The following LYG1 variants were observed in gnomAD, a reference collection of about 807,000 sequenced individuals.
LYG1 encodes lysozyme g-like protein 1.
A neutral mutation model predicts 21.7 loss-of-function variants in LYG1; 17 were observed. The ratio of observed to expected loss-of-function variants is 0.78; its 90% CI spans 0.54 to 1.18. The LOEUF is 1.18. Ranked by LOEUF, LYG1 falls within the 50% of genes most tolerant of loss-of-function variation. The probability of loss-of-function intolerance (pLI) is 0.00; values close to 1 mark genes in which losing one functional copy is unlikely to be tolerated. For missense variants in LYG1, 211 were observed against 238.1 expected (o/e 0.89, Z 0.75); for synonymous variants, 81 against 87.4 (o/e 0.93, Z 0.41).
upstream of LYG1, among the ~76,000 whole-genome samples, chr2:99,303,146 G>T (rs994809593): frequency 2.0e-5 from 3 of 152,022 alleles, no homozygotes; most frequent in African/African-American, 4.8e-5. Context: ...ACTCTGGGAG[G>T]GGAGTGTGAG....
intron 3 of LYG1, among the ~76,000 whole-genome samples, chr2:99,294,826 C>A (rs959406871): frequency 1.2e-4 from 19 of 152,228 alleles, no homozygotes; most frequent in African/African-American, 3.9e-4. Flanking sequence ...TATTAAAAAA[C>A]AAGTAGGCTG....
Position 99,284,775 on chromosome 2 carries a change from C to T in LYG1, c.379G>A (p.Val127Ile). 1.9e-6 allele frequency: 3 copies of T among 1,613,690 alleles called. No individual in the cohort carries two copies. The South Asian group carries it at 3.3e-5, about 18-fold the overall frequency. ...GTCAGAACTTCAGTTGTCTGGGAAA[C>T]CTGAGACTCACTAATCCAGGATGTG... ...APTSWISESQ[V>I]SQTTEVLTTR... Residue 127 changes from valine (V) to isoleucine (I), a missense_variant, in exon 6 of 7, where the codon GTT (valine) becomes ATT (isoleucine). Coordinates refer to ENST00000308528, the MANE Select transcript of LYG1 (RefSeq NM_174898.3).
At chr2:99,294,081 C>T (rs929800916) in intron 3 of LYG1, among the ~76,000 whole-genome samples, 10 of 151,900 alleles carry the variant, frequency 6.6e-5, no homozygotes, top group African/African-American at 2.4e-4. Flanking sequence ...GCCAACACAC[C>T]TGTGTAATTT....
chr2:99,288,840 G>A (rs1272897694), intron 5 of LYG1, among the ~76,000 whole-genome samples: 3 of 152,130 alleles, frequency 2.0e-5, no homozygotes, highest in Non-Finnish European at 4.4e-5. Context: ...AAAGTGCTGG[G>A]ATTTTAAAGA....
At chr2:99,296,408 A>C (rs2094136574) in intron 2 of LYG1, among the ~76,000 whole-genome samples, 1 of 152,184 alleles carries the variant, frequency 6.6e-6, no homozygotes, top group Non-Finnish European at 1.5e-5. Context: ...TGAGGTGCTC[A>C]CAAGACTGGA....
chr2:99,287,080 A>G (rs1286889449), intron 5 of LYG1, among the ~76,000 whole-genome samples: 2 of 152,340 alleles, frequency 1.3e-5, no homozygotes. Flanking sequence ...GAAGCAAAGA[A>G]TAGAATGATG....
At chr2:99,303,128 GAACTTT>G (rs1458008941), upstream of LYG1, among the ~76,000 whole-genome samples, 2 of 151,878 alleles carry the variant, frequency 1.3e-5, no homozygotes, top group African/African-American at 2.4e-5. Flanking sequence ...GGGAGTTCCT[GAACTTT>G]AACTCTGGGA....
intron 4 of LYG1, among the ~76,000 whole-genome samples, chr2:99,291,809 CA>C (rs1415321252): frequency 6.6e-6 from 1 of 152,208 alleles, no homozygotes; most frequent in Non-Finnish European, 1.5e-5. Flanking sequence ...GCAAACCCTT[CA>C]ATAAGTCTTT....
chr2:99,301,205 C>T (rs1435973886), upstream of LYG1: 12 of 151,956 alleles, frequency 7.9e-5, no homozygotes, highest in East Asian at 1.9e-4. Flanking sequence ...TATAAATACT[C>T]CGAACTTATA....
chr2:99,302,957 C>A (rs1407244917), upstream of LYG1, among the ~76,000 whole-genome samples: 1 of 150,492 alleles, frequency 6.6e-6, no homozygotes, highest in Non-Finnish European at 1.5e-5. Flanking sequence ...GGAGAGGTTG[C>A]AGTAAGCCAA....
intron 3 of LYG1, among the ~76,000 whole-genome samples, chr2:99,294,819 T>A (rs1034104731): frequency 1.2e-4 from 19 of 152,214 alleles, no homozygotes; most frequent in African/African-American, 3.9e-4. Context: ...TTTTATTTAT[T>A]AAAAAACAAG....
At chr2:99,304,469 A>G (rs2094161656), upstream of LYG1, among the ~76,000 whole-genome samples, 1 of 152,244 alleles carries the variant, frequency 6.6e-6, no homozygotes, top group Non-Finnish European at 1.5e-5. Context: ...CTTTATCAGC[A>G]GCATGAAAGT....
chr2:99,293,584 T>C (rs1364792511), intron 3 of LYG1, among the ~76,000 whole-genome samples: 1 of 152,218 alleles, frequency 6.6e-6, no homozygotes. Context: ...TTCTTCCCTT[T>C]ATCTCTTTCT....
intron 3 of LYG1, 24 bp downstream of exon 3, chr2:99,295,604 T>C: frequency 6.2e-7 from 1 of 1,613,982 alleles, no homozygotes; most frequent in Non-Finnish European, 8.5e-7. Flanking sequence ...TCCAAAGTCA[T>C]TTGTAAAAAT....
chr2:99,295,284 G>A (rs554627858), intron 3 of LYG1, among the ~76,000 whole-genome samples: 3 of 152,218 alleles, frequency 2.0e-5, no homozygotes, highest in African/African-American at 7.2e-5. Flanking sequence ...GTCTTATTCT[G>A]GCAACCACCT....
At chr2:99,293,251 C>G (rs969688943) in intron 3 of LYG1, among the ~76,000 whole-genome samples, 1 of 152,208 alleles carries the variant, frequency 6.6e-6, no homozygotes, top group African/African-American at 2.4e-5. Context: ...CTCGGCCTCC[C>G]AAAGTGCTGG....
At chr2:99,289,002 T>G (rs1421410548) in intron 5 of LYG1, among the ~76,000 whole-genome samples, 1 of 152,180 alleles carries the variant, frequency 6.6e-6, no homozygotes, top group East Asian at 1.9e-4. Flanking sequence ...TAAAATGTGG[T>G]CCGGGAACCA....
chr2:99,294,051 A>C (rs1196798348), intron 3 of LYG1, among the ~76,000 whole-genome samples: 4 of 152,132 alleles, frequency 2.6e-5, no homozygotes, highest in Admixed American at 2.6e-4. Flanking sequence ...CCTCTCAAGT[A>C]GCTGGGACCA....
At chr2:99,284,960 C>T in intron 5 of LYG1, 140 bp from the exon 6 acceptor site, 1 of 1,194,030 alleles carries the variant, frequency 8.4e-7, no homozygotes, top group South Asian at 1.6e-5. Flanking sequence ...CCGTCAGTCT[C>T]CTGTGAGGTA....
Sources: gnomAD v4.1 joint callset for allele counts (sites outside exome capture counted in the v4.1 genomes callset) on GRCh38, gnomAD v4.1.1 for gene constraint, MANE v1.5 for transcripts, NCBI Gene and HGNC (gene_info 2026-07-23, HGNC 2026-07-21) for gene names.